Variants in HRH2 observed in about 807,000 individuals in gnomAD.
The protein encoded by HRH2 is histamine receptor H2.
HRH2 carries 4 observed loss-of-function variants against 20.1 expected under a neutral mutation model. The observed-to-expected ratio is 0.20, with a 90% CI of 0.10 to 0.45. The LOEUF (loss-of-function observed/expected upper bound fraction) is 0.45. Ranked by LOEUF, HRH2 falls within the 20% of genes least tolerant of loss-of-function variation. HRH2 has a pLI of 0.99. For missense variants in HRH2, 250 were observed against 461.6 expected (o/e 0.54, Z 4.20); for synonymous variants, 197 against 200.7 (o/e 0.98, Z 0.16).
intron 1 of HRH2, among the ~76,000 whole-genome samples, chr5:175,660,694 A>T (rs1762713856): frequency 1.3e-5 from 2 of 152,130 alleles, no homozygotes; most frequent in Non-Finnish European, 1.5e-5. Context: ...AAAAAAAGGT[A>T]ACTTACGGTT....
intron 1 of HRH2, among the ~76,000 whole-genome samples, chr5:175,667,615 G>T (rs1398838975): frequency 6.6e-6 from 1 of 152,058 alleles, no homozygotes; most frequent in African/African-American, 2.4e-5. Flanking sequence ...AACAGATTAG[G>T]AGTTCATAGT....
chr5:175,666,990 C>G (rs1461129285), intron 1 of HRH2, among the ~76,000 whole-genome samples: 1 of 151,366 alleles, frequency 6.6e-6, no homozygotes, highest in Non-Finnish European at 1.5e-5. Flanking sequence ...GGTTTATTCT[C>G]CCAGGTTTTC....
intron 1 of HRH2, among the ~76,000 whole-genome samples, chr5:175,664,975 C>G (rs1272573307): frequency 6.6e-6 from 1 of 152,168 alleles, no homozygotes; most frequent in Non-Finnish European, 1.5e-5. Flanking sequence ...AGAGGCGATC[C>G]GGTTTGCATT....
At chr5:175,672,436 CA>C (rs1174130712) in intron 1 of HRH2, among the ~76,000 whole-genome samples, 1 of 152,152 alleles carries the variant, frequency 6.6e-6, no homozygotes, top group Non-Finnish European at 1.5e-5. Context: ...GGACTTTGGC[CA>C]AGTCACAAAA....
chr5:175,670,090 G>A (rs1292531911), intron 1 of HRH2, among the ~76,000 whole-genome samples: 1 of 152,176 alleles, frequency 6.6e-6, no homozygotes. Flanking sequence ...GTCTGGTCAG[G>A]CTTCTAGCAC....
chr5:175,702,005 G>A (rs549935764), intron 2 of HRH2, among the ~76,000 whole-genome samples: 2 of 152,236 alleles, frequency 1.3e-5, no homozygotes, highest in East Asian at 1.9e-4. Context: ...AAGTAATTGC[G>A]GTTTTTGCCA....
intron 2 of HRH2, among the ~76,000 whole-genome samples, chr5:175,690,211 A>G (rs1046065945): frequency 2.6e-5 from 4 of 152,102 alleles, no homozygotes; most frequent in Non-Finnish European, 2.9e-5. Context: ...TGGCCCCGCC[A>G]CTCGGGAACC....
At position 175,686,004 on chromosome 5, in the gene HRH2, A is replaced by G. The variant is rs530126544; in HGVS notation, c.1076+1695A>G. 6.5e-6 allele frequency: 1 copy of G among 153,578 alleles called. No homozygotes were observed. Among genetic ancestry groups the G allele is most frequent in the African/African-American group, 2.4e-5 (1 of 41,498 alleles). 9.5% of individuals were successfully genotyped at this position (153,578 alleles called of 1,614,324 possible). A position where few individuals can be genotyped will look rare whatever the true frequency, so the allele number is the denominator to read the frequency against. ...ATCCTGGGCCCTCTGCTCCTTCACC[A>G]CTGTCCATCTGAAGCAAGCCTGGTT... is the stretch of plus-strand genomic sequence containing the variant. On this transcript the variant is annotated intron_variant, in intron 2 of 2. Transcript: ENST00000636584. This position sits in a 1 kb window ranked among gnomAD's most constrained non-coding sequence, Gnocchi z 4.7.
Position 175,710,729 on chromosome 5 carries a change from C to T in HRH2, c.*2758C>T, listed in dbSNP as rs1177891484. 2.0e-5 allele frequency: 3 copies of T among 152,234 alleles called. No individual in the cohort carries two copies. The highest frequency in any genetic ancestry group is 4.8e-5 in the African/African-American group (2 of 41,468). The allele number at this position is 152,234 out of a possible 1,614,324, so 9.4% of individuals were successfully genotyped here. On this transcript the variant is annotated 3_prime_UTR_variant, in exon 3 of 3. Coordinates refer to ENST00000636584, the MANE Select transcript of HRH2 (RefSeq NM_001367711.1). ...CCCAAATCCATGTTTGTGTTACCAT[C>T]GTGTTCCAATAAAACTATCGAAACA...
At chr5:175,698,408 G>T (rs1340270037) in intron 2 of HRH2, among the ~76,000 whole-genome samples, 3 of 152,162 alleles carry the variant, frequency 2.0e-5, no homozygotes, top group Non-Finnish European at 4.4e-5. Context: ...GTGTGACCTG[G>T]GGCAGCTCTT....
rs1459200134 is a variant in HRH2 at position 175,710,746 on chromosome 5, A to G, written c.*2775A>G. 6.6e-6 allele frequency: 1 copy of G among 152,252 alleles called. No individual in the cohort carries two copies. The highest frequency in any genetic ancestry group is 1.9e-4 in the East Asian group (1 of 5,204). The allele number at this position is 152,252 out of a possible 1,614,324, so 9.4% of individuals were successfully genotyped here. On this transcript the variant is annotated 3_prime_UTR_variant, in exon 3 of 3. Transcript: ENST00000636584. The stretch of plus-strand genomic sequence containing the variant: ...GTTACCATCGTGTTCCAATAAAACT[A>G]TCGAAACAGATGCTGCCTCACGGTT...
At position 175,673,451 on chromosome 5, in the gene HRH2, G is replaced by T. The variant is rs180827375; in HGVS notation, c.-525-9258G>T. Among the ~76,000 whole-genome samples, 14 of 152,266 alleles carry T rather than the reference G, an allele frequency of 9.2e-5. No homozygotes were observed. The East Asian group carries it at 2.7e-3, about 29-fold the overall frequency. ...TCACTTCATGATTTATATCCACTTT[G>T]TGCCCACAATATGCAGAAAAGACAA... is the stretch of plus-strand genomic sequence containing the variant. On this transcript the variant is annotated intron_variant, in intron 1 of 2. Coordinates refer to ENST00000636584, the MANE Select transcript of HRH2 (RefSeq NM_001367711.1).
Position 175,683,112 on chromosome 5 carries a change from A to C in HRH2, c.-122A>C. The C allele has an allele frequency of 8.3e-7, 1 of 1,207,488 alleles. No individual in the cohort carries two copies. Among genetic ancestry groups the C allele is most frequent in the South Asian group, 1.6e-5 (1 of 62,720 alleles). The allele number at this position is 1,207,488 out of a possible 1,614,324, so 74.8% of individuals were successfully genotyped here. A position where few individuals can be genotyped will look rare whatever the true frequency, so the allele number is the denominator to read the frequency against. On this transcript the variant is annotated 5_prime_UTR_variant, in exon 2 of 3. Coordinates refer to ENST00000636584, the MANE Select transcript of HRH2 (RefSeq NM_001367711.1). Reference sequence around the variant, plus strand: ...TGGCCAAAAAAAAAAAAAAAAAAAAACTGGACACATTTTGGATCTGTTGGG... The same window carrying C: ...TGGCCAAAAAAAAAAAAAAAAAAAACCTGGACACATTTTGGATCTGTTGGG...
chr5:175,663,636 G>T (rs1468812629), intron 1 of HRH2, among the ~76,000 whole-genome samples: 2 of 152,174 alleles, frequency 1.3e-5, no homozygotes, highest in South Asian at 2.1e-4. Flanking sequence ...GGGCCAGCTC[G>T]TTCCCCACCG....
Position 175,693,453 on chromosome 5 carries a change from C to T in HRH2, c.1076+9144C>T, listed in dbSNP as rs1039525627. Among the ~76,000 whole-genome samples, 3 of 152,144 alleles carry T rather than the reference C, an allele frequency of 2.0e-5. No homozygotes were observed. Among genetic ancestry groups the T allele is most frequent in the African/African-American group, 7.2e-5 (3 of 41,432 alleles). On this transcript the variant is annotated intron_variant, in intron 2 of 2. Coordinates refer to ENST00000636584, the MANE Select transcript of HRH2 (RefSeq NM_001367711.1). This position sits in a 1 kb window ranked among gnomAD's most constrained non-coding sequence, Gnocchi z 4.4. ...CCATGTAGAAATTTGCAGAAAGTAG[C>T]GAGGGCCTCACAGACGGGACGTCGC...
chr5:175,704,832 C>T (rs556360037), intron 2 of HRH2, among the ~76,000 whole-genome samples: 79 of 151,812 alleles, frequency 5.2e-4, no homozygotes, highest in Non-Finnish European at 9.7e-4. Flanking sequence ...CTAAATAAAT[C>T]TTTCAATGAT....
rs1276056439 is a variant in HRH2, at chr5:175,683,716, G to C, written c.483G>C (p.Arg161Ser). The change falls in exon 2 of 3, where the codon AGG becomes AGC. Residue 161 changes from arginine (R) to serine (S), a missense_variant. This residue lies in a region of HRH2 where 27 missense variants were observed against 28.6 expected (regional missense o/e 0.94). Coordinates refer to ENST00000636584, the MANE Select transcript of HRH2 (RefSeq NM_001367711.1). ...FLSIHLGWNS[R>S]NETSKGNHTT... ...CTATCCACCTGGGGTGGAACAGCAG[G>C]AACGAGACCAGCAAGGGCAATCATA... 1.2e-6 allele frequency: 2 copies of C among 1,614,180 alleles called. No homozygotes were observed. The highest frequency in any genetic ancestry group is 1.7e-6 in the Non-Finnish European group (2 of 1,180,040).
At chr5:175,672,870 T>G (rs1488620887) in intron 1 of HRH2, among the ~76,000 whole-genome samples, 1 of 152,164 alleles carries the variant, frequency 6.6e-6, no homozygotes, top group Admixed American at 6.5e-5. Flanking sequence ...AGCTGATGTG[T>G]GTACTGAGAC....
rs1007468386 is a variant in HRH2, at chr5:175,709,898, C to G, written c.*1927C>G. ...GGGACCCTGCTGGGCCCTCTCCAGC[C>G]TCCCCCTGCGCCAGGCCTCCTCCGT... On this transcript the variant is annotated 3_prime_UTR_variant, in exon 3 of 3. Transcript: ENST00000636584. 6.5e-6 allele frequency: 1 copy of G among 153,030 alleles called. No homozygotes were observed. Among genetic ancestry groups the G allele is most frequent in the East Asian group, 1.9e-4 (1 of 5,222 alleles). The allele number at this position is 153,030 out of a possible 1,614,324, so 9.5% of individuals were successfully genotyped here. A position where few individuals can be genotyped will look rare whatever the true frequency, so the allele number is the denominator to read the frequency against.
Sources: gnomAD v4.1 joint callset for allele counts (sites outside exome capture counted in the v4.1 genomes callset) on GRCh38, gnomAD v4.1.1 for gene constraint, gnomAD v4.1.1 regional missense constraint, Gnocchi (gnomAD v3.1) non-coding constraint, MANE v1.5 for transcripts, NCBI Gene and HGNC (gene_info 2026-07-23, HGNC 2026-07-21) for gene names.